Variants in EXOC4 observed in about 807,000 individuals in gnomAD.
The protein encoded by EXOC4 is SEC8-like 1.
A neutral mutation model predicts 107.2 loss-of-function variants in EXOC4; 71 were observed. The observed-to-expected ratio is 0.66, with a 90% confidence interval of 0.55 to 0.81. The LOEUF (loss-of-function observed/expected upper bound fraction) is 0.81. Ranked by LOEUF, EXOC4 falls within the 30% of genes least tolerant of loss-of-function variation. The probability of loss-of-function intolerance (pLI) is 0.00; values close to 1 mark genes in which losing one functional copy is unlikely to be tolerated. For synonymous variants in EXOC4, 456 were observed against 441.2 expected (o/e 1.03, Z -0.42); for missense variants, 1,108 against 1,189.6 (o/e 0.93, Z 1.01).
intron 10 of EXOC4, among the ~76,000 whole-genome samples, chr7:133,738,723 C>T (rs1347730360): frequency 1.3e-5 from 2 of 152,086 alleles, no homozygotes; most frequent in Non-Finnish European, 1.5e-5. Flanking sequence ...CTATTAGCTT[C>T]TTCTAATTTG....
chr7:134,033,262 T>C (rs1276338357), intron 17 of EXOC4, among the ~76,000 whole-genome samples: 2 of 152,180 alleles, frequency 1.3e-5, no homozygotes, highest in Non-Finnish European at 2.9e-5. Flanking sequence ...ATATATATCC[T>C]ACAGGACTAT....
At chr7:133,556,362 T>G (rs904294212) in intron 9 of EXOC4, among the ~76,000 whole-genome samples, 4 of 152,192 alleles carry the variant, frequency 2.6e-5, no homozygotes, top group African/African-American at 4.8e-5. Context: ...GAGTTAAGTC[T>G]TCTTCTTTTG....
intron 9 of EXOC4, among the ~76,000 whole-genome samples, chr7:133,609,732 G>A (rs1802033832): frequency 6.6e-6 from 1 of 152,240 alleles, no homozygotes; most frequent in Non-Finnish European, 1.5e-5. Flanking sequence ...GGTGGGCCAG[G>A]TGGGGTCGAG....
chr7:133,715,949 G>T (rs1794989914), intron 10 of EXOC4, among the ~76,000 whole-genome samples: 1 of 152,040 alleles, frequency 6.6e-6, no homozygotes, highest in Non-Finnish European at 1.5e-5. Flanking sequence ...TATTATTCCT[G>T]TTCAAATGGG....
chr7:133,749,955 G>GTT (rs56902982), intron 10 of EXOC4, among the ~76,000 whole-genome samples: 646 of 62,098 alleles, frequency 0.01, 50 homozygotes, highest in African/African-American at 0.029. Context: ...GTGGTTGGCA[G>GTT]TTTTTTTTTT....
At chr7:133,290,888 C>T (rs1399210348) in intron 3 of EXOC4, 1 of 152,152 alleles carries the variant, frequency 6.6e-6, no homozygotes, top group African/African-American at 2.4e-5. Flanking sequence ...TGTGGAATGT[C>T]ACCTGTGTGT....
intron 7 of EXOC4, among the ~76,000 whole-genome samples, chr7:133,432,009 TTAAAA>T (rs918934930): frequency 4.6e-5 from 7 of 152,270 alleles, no homozygotes; most frequent in African/African-American, 1.4e-4. Flanking sequence ...TACCTGGTAT[TTAAAA>T]TAACATGTTT....
intron 7 of EXOC4, among the ~76,000 whole-genome samples, chr7:133,466,702 A>G (rs1226257459): frequency 6.6e-6 from 1 of 152,210 alleles, no homozygotes; most frequent in Non-Finnish European, 1.5e-5. Context: ...CCCTGATAAC[A>G]AAGCCAAAGT....
intron 14 of EXOC4, among the ~76,000 whole-genome samples, chr7:133,963,856 A>T (rs1412557456): frequency 6.6e-6 from 1 of 152,190 alleles, no homozygotes; most frequent in Non-Finnish European, 1.5e-5. Context: ...GCCATTATCT[A>T]CATAAGACAT....
At chr7:133,643,560 C>T (rs970216533) in intron 10 of EXOC4, among the ~76,000 whole-genome samples, 2 of 152,148 alleles carry the variant, frequency 1.3e-5, no homozygotes, top group East Asian at 1.9e-4. Context: ...TACACATCTC[C>T]TGAGATCATA....
chr7:133,763,463 T>G (rs1362986081), intron 10 of EXOC4, among the ~76,000 whole-genome samples: 1 of 152,158 alleles, frequency 6.6e-6, no homozygotes, highest in African/African-American at 2.4e-5. Flanking sequence ...AATTGGAATC[T>G]TGGCTCCATA....
intron 8 of EXOC4, 68 bp downstream of exon 8, chr7:133,475,541 T>A: frequency 7.3e-7 from 1 of 1,371,532 alleles, no homozygotes. Context: ...CTTCCTACTT[T>A]ATTAATAGCC....
At chr7:134,046,309 C>T (rs1394896845) in intron 17 of EXOC4, among the ~76,000 whole-genome samples, 1 of 152,010 alleles carries the variant, frequency 6.6e-6, no homozygotes, top group Non-Finnish European at 1.5e-5. Context: ...TGGTGAAACC[C>T]CGTCTCTAAT....
chr7:133,731,673 A>G (rs946018639), intron 10 of EXOC4, among the ~76,000 whole-genome samples: 1 of 152,178 alleles, frequency 6.6e-6, no homozygotes, highest in African/African-American at 2.4e-5. Flanking sequence ...GGTTGCTTCT[A>G]GGCAAGTTGC....
chr7:133,857,784 C>T (rs779851247), intron 11 of EXOC4, among the ~76,000 whole-genome samples: 1 of 152,058 alleles, frequency 6.6e-6, no homozygotes, highest in Non-Finnish European at 1.5e-5. Context: ...TCGGAGATGC[C>T]AGCAACCACA....
chr7:133,938,679 T>G (rs1800359397), intron 14 of EXOC4, among the ~76,000 whole-genome samples: 1 of 152,190 alleles, frequency 6.6e-6, no homozygotes, highest in African/African-American at 2.4e-5. Flanking sequence ...ATTTGAAAAC[T>G]TTAGGGCACA....
intron 14 of EXOC4, 86 bp from the exon 15 acceptor site, chr7:133,997,403 AAAC>A (rs1794418793): frequency 3.4e-6 from 5 of 1,483,080 alleles, no homozygotes; most frequent in African/African-American, 2.8e-5. Context: ...AAGCTAGTAA[AAAC>A]AAGATGAACA....
chr7:134,049,632 C>A (rs1795734660), intron 17 of EXOC4, among the ~76,000 whole-genome samples: 1 of 152,180 alleles, frequency 6.6e-6, no homozygotes, highest in Admixed American at 6.5e-5. Context: ...CTTAGAGAAT[C>A]TCCTCCAGAC....
chr7:133,621,347 G>A (rs976104152), intron 9 of EXOC4, among the ~76,000 whole-genome samples: 5 of 151,932 alleles, frequency 3.3e-5, no homozygotes, highest in Non-Finnish European at 7.4e-5. Context: ...TTATTTAGGA[G>A]CTAGAATGTA....
Sources: allele counts gnomAD v4.1 joint callset (sites outside exome capture counted in the v4.1 genomes callset), GRCh38; gene constraint gnomAD v4.1.1; transcripts MANE v1.5; gene names NCBI Gene and HGNC (gene_info 2026-07-23, HGNC 2026-07-21).